The following TMED8 variants were observed in gnomAD, a reference collection of about 807,000 sequenced individuals.
TMED8 encodes transmembrane p24 trafficking protein family member 8, also known as protein TMED8.
Under a neutral mutation model 32.7 loss-of-function variants are expected in TMED8, and 15 were observed. That is an observed-to-expected ratio of 0.46 (90% CI 0.31 to 0.71). The LOEUF is 0.71. Ranked by LOEUF, TMED8 falls within the 30% of genes least tolerant of loss-of-function variation. The pLI, the probability that TMED8 is intolerant of heterozygous loss-of-function variation, is 0.06. For missense variants in TMED8, 390 were observed against 423.9 expected (o/e 0.92, Z 0.70); for synonymous variants, 147 against 161.4 (o/e 0.91, Z 0.68).
intron 2 of TMED8, among the ~76,000 whole-genome samples, chr14:77,347,037 T>C (rs1170727893): frequency 6.6e-6 from 1 of 152,078 alleles, no homozygotes. Flanking sequence ...TGTTCCTCCT[T>C]CTAACACCTT....
Position 77,335,771 on chromosome 14 carries a change from T to C in TMED8, c.*6000A>G, listed in dbSNP as rs1453823245. On this transcript the variant is annotated 3_prime_UTR_variant, in exon 6 of 6. Coordinates refer to ENST00000216468, the MANE Select transcript of TMED8 (RefSeq NM_213601.3). ...AGATTCATGGGTTACAGGATTGCTT[T>C]CTCTAGACTTGGCTTCTCTTTAACA... is the stretch of plus-strand genomic sequence containing the variant. The C allele has an allele frequency of 2.0e-5, 3 of 152,222 alleles. No individual in the cohort carries two copies. Among genetic ancestry groups the C allele is most frequent in the Non-Finnish European group, 4.4e-5 (3 of 68,032 alleles). The allele number at this position is 152,222 out of a possible 1,614,324, so 9.4% of individuals were successfully genotyped here.
chr14:77,359,516 C>T (rs2139623494), intron 1 of TMED8: 1 of 351,030 alleles, frequency 2.8e-6, no homozygotes, highest in South Asian at 2.2e-5. Flanking sequence ...CCTACAACGA[C>T]CTGAAGACAT....
chr14:77,369,055 C>T (rs528773801), intron 1 of TMED8, among the ~76,000 whole-genome samples: 4 of 152,212 alleles, frequency 2.6e-5, no homozygotes, highest in African/African-American at 7.2e-5. Flanking sequence ...TATAATCTAC[C>T]GAGTTGATTT....
At chr14:77,367,762 C>T (rs6574369) in intron 1 of TMED8, among the ~76,000 whole-genome samples, 1 of 151,592 alleles carries the variant, frequency 6.6e-6, no homozygotes. Context: ...GGTGCAATCT[C>T]GGCTCACTGC....
intron 1 of TMED8, among the ~76,000 whole-genome samples, chr14:77,372,931 TATATATATATATATATATA>T (rs1893714153): frequency 1.2e-4 from 4 of 33,576 alleles, no homozygotes; most frequent in African/African-American, 7.7e-4. Context: ...TATATATATA[TATATATATATATATATATA>T]TATTTTTTTT....
At chr14:77,344,818 C>A (rs1239609427) in intron 3 of TMED8, among the ~76,000 whole-genome samples, 1 of 152,164 alleles carries the variant, frequency 6.6e-6, no homozygotes, top group African/African-American at 2.4e-5. Context: ...GGAGAATAAG[C>A]CCTCCAGTTC....
chr14:77,346,366 C>T lies in TMED8; in HGVS notation c.310G>A (p.Ala104Thr). 1 of 1,614,154 alleles carries T rather than the reference C, an allele frequency of 6.2e-7. No homozygotes were observed. Among genetic ancestry groups the T allele is most frequent in the Non-Finnish European group, 8.5e-7 (1 of 1,180,012 alleles). Reference protein sequence around the residue: ...VKQDLLPADQAQVLNEMAKYQ... With the variant: ...VKQDLLPADQTQVLNEMAKYQ... Reference sequence around the variant, plus strand: ...CCCCCTACCTCATTGAGGACCTGGGCCTGGTCTGCAGGCAGCAAATCCTGT... The same window carrying T: ...CCCCCTACCTCATTGAGGACCTGGGTCTGGTCTGCAGGCAGCAAATCCTGT... The change falls in exon 3 of 6, where the codon GCC (alanine) becomes ACC (threonine). Residue 104 changes from alanine (A) to threonine (T), a missense_variant. Transcript: ENST00000216468.
intron 1 of TMED8, among the ~76,000 whole-genome samples, chr14:77,352,513 C>A (rs942584741): frequency 6.6e-6 from 1 of 151,724 alleles, no homozygotes; most frequent in Non-Finnish European, 1.5e-5. Context: ...CCGAGGTGGG[C>A]GGATCACTTG....
At position 77,376,148 on chromosome 14, in the gene TMED8, GAA is replaced by G. The variant is rs1254780239; in HGVS notation, c.118+786_118+787del. ...TGTGGTGTTCAGGAGGCTGAAAGAA[GAA>G]AGTGTGATGGATGGACTCTTTTGTC... On this transcript the variant is annotated intron_variant, in intron 1 of 5. Coordinates refer to ENST00000216468, the MANE Select transcript of TMED8 (RefSeq NM_213601.3). The surrounding 1 kb of genome is among the most constrained non-coding windows in gnomAD (Gnocchi z 4.0). Among the ~76,000 whole-genome samples the G allele has an allele frequency of 1.3e-5, 2 of 152,228 alleles. No homozygotes were observed. The highest frequency in any genetic ancestry group is 2.9e-5 in the Non-Finnish European group (2 of 68,040).
Position 77,343,311 on chromosome 14 carries a change from C to G in TMED8, c.627G>C (p.Ala209=). The G allele has an allele frequency of 6.2e-7, 1 of 1,614,168 alleles. No individual in the cohort carries two copies. The highest frequency in any genetic ancestry group is 8.5e-7 in the Non-Finnish European group (1 of 1,180,026). ...PEGKRVCWEF[A]TDDYDIGFGV... ...CAAAGCCAATGTCATAGTCATCGGT[C>G]GCAAACTCCCAGCAGACACGCTTCC... Residue 209 remains alanine, a synonymous_variant, in exon 5 of 6, where the codon GCG becomes GCC. Transcript: ENST00000216468.
intron 1 of TMED8, among the ~76,000 whole-genome samples, chr14:77,365,985 AGTC>A (rs1303490096): frequency 3.9e-5 from 6 of 152,244 alleles, no homozygotes; most frequent in Admixed American, 1.3e-4. Context: ...ATAATTAGAT[AGTC>A]AAATGTGTTT....
At chr14:77,356,271 G>A (rs1893290805) in intron 1 of TMED8, among the ~76,000 whole-genome samples, 1 of 152,162 alleles carries the variant, frequency 6.6e-6, no homozygotes, top group Admixed American at 6.5e-5. Flanking sequence ...TGAATTATTA[G>A]TACTTTAGAA....
At chr14:77,352,298 TA>T (rs1267116280) in intron 1 of TMED8, among the ~76,000 whole-genome samples, 1 of 151,976 alleles carries the variant, frequency 6.6e-6, no homozygotes, top group Non-Finnish European at 1.5e-5. Context: ...CCTGTAATCC[TA>T]GCTACTTGGT....
Position 77,362,103 on chromosome 14 carries a change from G to GT in TMED8, c.119-10353dup, listed in dbSNP as rs914793349. On this transcript the variant is annotated intron_variant, in intron 1 of 5. Transcript: ENST00000216468. ...TATTGATATCATTTATTAATTCTAA[G>GT]TTTTTTTTGTAGAGTTTTTGGGGTT... 4.6e-5 allele frequency among the ~76,000 whole-genome samples: 7 copies of GT among 151,660 alleles called. No individual in the cohort carries two copies. In the East Asian group the frequency reaches 5.8e-4, roughly 13 times the overall value.
chr14:77,373,344 GT>G (rs923943820), intron 1 of TMED8, among the ~76,000 whole-genome samples: 9 of 151,370 alleles, frequency 5.9e-5, no homozygotes, highest in Non-Finnish European at 1.0e-4. Context: ...CTGCCTTTAA[GT>G]GATGCAACAA....
chr14:77,359,075 T>C (rs1893368863), intron 1 of TMED8, among the ~76,000 whole-genome samples: 1 of 152,160 alleles, frequency 6.6e-6, no homozygotes, highest in Non-Finnish European at 1.5e-5. Context: ...ACCTGGCTAA[T>C]TTTTTAAATT....
Position 77,376,752 on chromosome 14 carries a change from A to G in TMED8, c.118+184T>C, listed in dbSNP as rs368397847. Reference sequence around the variant, plus strand: ...ATTTCGAAACAGGAGTGAGTAGAAAATAACCTCGAGCCCAGGGCCCGGGTG... The same window carrying G: ...ATTTCGAAACAGGAGTGAGTAGAAAGTAACCTCGAGCCCAGGGCCCGGGTG... On this transcript the variant is annotated intron_variant, in intron 1 of 5. Coordinates refer to ENST00000216468, the MANE Select transcript of TMED8 (RefSeq NM_213601.3). This position sits in a 1 kb window ranked among gnomAD's most constrained non-coding sequence, Gnocchi z 4.0. 4.6e-4 allele frequency: 166 copies of G among 360,724 alleles called. 5 individuals are homozygous for G. In the South Asian group the frequency reaches 0.021, roughly 47 times the overall value. 22.3% of individuals were successfully genotyped at this position (360,724 alleles called of 1,614,324 possible). A position where few individuals can be genotyped will look rare whatever the true frequency, so the allele number is the denominator to read the frequency against.
chr14:77,360,514 T>C (rs186119771), intron 1 of TMED8, among the ~76,000 whole-genome samples: 1 of 152,186 alleles, frequency 6.6e-6, no homozygotes, highest in African/African-American at 2.4e-5. Context: ...CCATGTGTGG[T>C]AAATGGCAAG....
At chr14:77,362,324 T>A (rs542881604) in intron 1 of TMED8, among the ~76,000 whole-genome samples, 19 of 152,306 alleles carry the variant, frequency 1.2e-4, no homozygotes, top group African/African-American at 4.1e-4. Flanking sequence ...ACACTGATTA[T>A]GACACTGGCT....
Sources: gnomAD v4.1 joint callset for allele counts (sites outside exome capture counted in the v4.1 genomes callset) on GRCh38, gnomAD v4.1.1 for gene constraint, Gnocchi (gnomAD v3.1) non-coding constraint, MANE v1.5 for transcripts, NCBI Gene and HGNC (gene_info 2026-07-23, HGNC 2026-07-21) for gene names.